Variants in TTN observed in about 807,000 individuals in gnomAD.
The protein encoded by TTN is connectin.
A neutral mutation model predicts 3,223.0 loss-of-function variants in TTN; 1,525 were observed. That is an observed-to-expected ratio of 0.47 (90% CI 0.45 to 0.49). The LOEUF (loss-of-function observed/expected upper bound fraction) is 0.49. Among genes scored for constraint, TTN ranks in the 20% least tolerant of loss-of-function variants. The pLI, the probability that TTN is intolerant of heterozygous loss-of-function variation, is 0.00. For synonymous variants in TTN, 14,094 were observed against 15,161.0 expected, an observed-to-expected ratio of 0.93 and a Z score of 5.17; for missense variants, 40,786 against 43,424.0, an observed-to-expected ratio of 0.94 and a Z score of 5.40.
In TTN at chr2:178,537,611, C is replaced by G. The variant is rs1185063715; in HGVS notation, c.99596G>C (p.Gly33199Ala). Residue 33199 changes from glycine to alanine, a missense_variant, in exon 355 of 363, where the codon GGT (glycine) becomes GCT (alanine). Physicochemically the swap from Gly to Ala is moderately conservative, Grantham distance 60 (BLOSUM62 0). Transcript: ENST00000589042. Reference protein sequence around the residue: ...LLQATPQFHPGYPLKEKYYGA... With the variant: ...LLQATPQFHPAYPLKEKYYGA... ...ATAATATTTCTCTTTCAGTGGGTAA[C>G]CAGGATGGAACTGCGGTGTTGCTTG... is the stretch of plus-strand genomic sequence containing the variant. 3 of 1,613,620 alleles carry G rather than the reference C, an allele frequency of 1.9e-6. No homozygotes were observed. Among genetic ancestry groups the G allele is most frequent in the East Asian group, 2.2e-5 (1 of 44,864 alleles).
Position 178,664,651 on chromosome 2 carries a change from T to C in TTN, c.36202+3A>G, listed in dbSNP as rs750462314. 2.1e-5 allele frequency: 34 copies of C among 1,612,210 alleles called. No individual in the cohort carries two copies. Among genetic ancestry groups the C allele is most frequent in the African/African-American group, 2.7e-5 (2 of 74,914 alleles). On this transcript the variant is annotated splice_donor_region_variant and intron_variant, in intron 167 of 362. Coordinates refer to ENST00000589042, the MANE Select transcript of TTN (RefSeq NM_001267550.2). ...ACCCCTCTAAGCTTCCAGCAAGATA[T>C]ACCTTCATCAGGAAGGACTTCAGGC...
rs1576340244 is a variant in TTN at position 178,605,589 on chromosome 2, C to A, written c.53706G>T (p.Arg17902=). 2 of 1,612,202 alleles carry A rather than the reference C, an allele frequency of 1.2e-6. No homozygotes were observed. The highest frequency in any genetic ancestry group is 8.5e-7 in the Non-Finnish European group (1 of 1,178,832). The change falls in exon 279 of 363, where the codon CGG becomes CGT. Residue 17902 remains arginine (R), a synonymous_variant. Transcript: ENST00000589042. The part of the protein sequence containing the change: ...SPIQGYIIEK[R]RHDKPDFERV... ...TTTCAAAGTCAGGTTTGTCATGACGCCGTTTTTCAATGATATATCCTTGGA... is the reference window on the plus strand; with the variant it reads ...TTTCAAAGTCAGGTTTGTCATGACGACGTTTTTCAATGATATATCCTTGGA...
At position 178,707,643 on chromosome 2, in the gene TTN, T is replaced by TGA. The variant is rs1560538534; in HGVS notation, c.28923_28924insTC (p.Gly9643ValfsTer36). 7 of 1,613,896 alleles carry TGA rather than the reference T, an allele frequency of 4.3e-6. No homozygotes were observed. Among genetic ancestry groups the TGA allele is most frequent in the Admixed American group, 1.7e-5 (1 of 59,982 alleles). ...CTGAGTTCCAGTACAGCTGTCCCAC[T>TGA]AGCAAAGCTGAAGCTGCATCTGTCT... is the stretch of plus-strand genomic sequence containing the variant. On this transcript the variant is annotated frameshift_variant, in exon 100 of 363. Transcript: ENST00000589042. LOFTEE classifies it high-confidence loss of function.
intron 205 of TTN, 65 bp downstream of exon 205, chr2:178,651,819 A>C (rs2063033101): frequency 1.2e-6 from 2 of 1,602,618 alleles, no homozygotes; most frequent in African/African-American, 2.7e-5. Context: ...CAGAGCACCC[A>C]GAATTATCAG....
chr2:178,721,985 T>C lies in TTN; in HGVS notation c.22678A>G (p.Asn7560Asp). ...KDNKEIRPGG[N>D]YTITCVGNTP... ...TTTCCCACACATGTGATTGTATAGT[T>C]TCCTCCAGGACGGATCTCCTTGTTA... The change falls in exon 78 of 363, where the codon AAC becomes GAC. Residue 7560 changes from asparagine (N) to aspartate (D), a missense_variant. Physicochemically the swap from Asn to Asp is conservative, Grantham distance 23. Transcript: ENST00000589042. 1 of 1,613,640 alleles carries C rather than the reference T, an allele frequency of 6.2e-7. No homozygotes were observed. The highest frequency in any genetic ancestry group is 8.5e-7 in the Non-Finnish European group (1 of 1,179,630).
intron 153 of TTN, 49 bp from the exon 154 acceptor site, chr2:178,672,530 A>C: frequency 6.2e-7 from 1 of 1,602,750 alleles, no homozygotes; most frequent in Non-Finnish European, 8.5e-7. Context: ...GCAAGCTTTC[A>C]TAGACAAAAA....
At position 178,731,888 on chromosome 2, in the gene TTN, T is replaced by G. The variant is rs1385425356; in HGVS notation, c.16987A>C (p.Thr5663Pro). The change falls in exon 58 of 363, where the codon ACT (threonine) becomes CCT (proline). Residue 5663 changes from threonine to proline, a missense_variant. Transcript: ENST00000589042. ...AACCAAGTGATCTCAAAGGGAGGAG[T>G]GCCTGCCACCTCAGCCAGCAACATG... The part of the protein sequence containing the change: ...DVMLLAEVAG[T>P]PPFEITWFKD... The G allele has an allele frequency of 6.2e-7, 1 of 1,613,616 alleles. No individual in the cohort carries two copies. Among genetic ancestry groups the G allele is most frequent in the Admixed American group, 1.7e-5 (1 of 59,986 alleles).
intron 33 of TTN, 127 bp from the exon 34 acceptor site, chr2:178,771,598 T>C (rs2154343470): frequency 7.3e-7 from 1 of 1,376,234 alleles, no homozygotes; most frequent in Middle Eastern, 2.2e-4. Context: ...ATGTCTATGA[T>C]TGTTTTTACC....
At chr2:178,748,270 T>C (rs766523489) in intron 47 of TTN, 4 of 1,613,042 alleles carry the variant, frequency 2.5e-6, no homozygotes, top group Non-Finnish European at 3.4e-6. Flanking sequence ...TGTCTAAGTT[T>C]TGTTCCTGTA....
In TTN at chr2:178,587,415, T is replaced by C. The variant is rs1453662624; in HGVS notation, c.63796A>G (p.Thr21266Ala). ...TTTAAATCAGACACAGGCCCAGGAG[T>C]GTCTGTAAAGAATCATAAAATCAGA... ...AVFVNVRVLD[T>A]PGPVSDLKVS... Residue 21266 changes from threonine (T) to alanine (A), a missense_variant and splice_region_variant, in exon 307 of 363, where the codon ACT becomes GCT. Physicochemically the swap from Thr to Ala is moderately conservative, Grantham distance 58 (BLOSUM62 0). Coordinates refer to ENST00000589042, the MANE Select transcript of TTN (RefSeq NM_001267550.2). 2 of 1,606,838 alleles carry C rather than the reference T, an allele frequency of 1.2e-6. No homozygotes were observed. Among genetic ancestry groups the C allele is most frequent in the African/African-American group, 1.3e-5 (1 of 74,622 alleles).
In TTN at chr2:178,547,665, C is replaced by A; in HGVS notation, c.93961G>T (p.Val31321Phe). 6.2e-7 allele frequency: 1 copy of A among 1,613,920 alleles called. No individual in the cohort carries two copies. The highest frequency in any genetic ancestry group is 8.5e-7 in the Non-Finnish European group (1 of 1,179,832). The part of the protein sequence containing the change: ...PVTGPIEVSS[V>F]SAESCVLSWG... The stretch of plus-strand genomic sequence containing the variant: ...GACAGGACACACGATTCAGCTGAGA[C>A]AGATGAGACCTCAATGGGGCCGGTT... Residue 31321 changes from valine to phenylalanine, a missense_variant, in exon 339 of 363, where the codon GTC becomes TTC. Coordinates refer to ENST00000589042, the MANE Select transcript of TTN (RefSeq NM_001267550.2).
At position 178,714,407 on chromosome 2, in the gene TTN, T is replaced by C; in HGVS notation, c.26367A>G (p.Glu8789=). The change falls in exon 91 of 363, where the codon GAA becomes GAG. Residue 8789 remains glutamate, a synonymous_variant. Coordinates refer to ENST00000589042, the MANE Select transcript of TTN (RefSeq NM_001267550.2). ...ESDNIWISYS[E]NIATLQFSRV... The stretch of plus-strand genomic sequence containing the variant: ...TTGAAAACTGTAAGGTTGCAATGTT[T>C]TCTGAATAAGAAATCCATATGTTGT... 6.2e-7 allele frequency: 1 copy of C among 1,613,818 alleles called. No homozygotes were observed. The highest frequency in any genetic ancestry group is 8.5e-7 in the Non-Finnish European group (1 of 1,179,770).
chr2:178,630,313 G>A lies in TTN; in HGVS notation c.44209C>T (p.Arg14737Cys), dbSNP rs748593243. 6.2e-6 allele frequency: 10 copies of A among 1,612,802 alleles called. No homozygotes were observed. Among genetic ancestry groups the A allele is most frequent in the Admixed American group, 3.3e-5 (2 of 59,934 alleles). The change falls in exon 239 of 363, where the codon CGC becomes TGC. Residue 14737 changes from arginine (R) to cysteine (C), a missense_variant. Arg to Cys is a radical substitution (Grantham distance 180). Transcript: ENST00000589042. Reference protein sequence around the residue: ...KIHSLVLHNCRLDQTGGVDFQ... With the variant: ...KIHSLVLHNCCLDQTGGVDFQ... The stretch of plus-strand genomic sequence containing the variant: ...TCCACCCCACCCGTCTGGTCCAGGC[G>A]ACAGTTGTGCAAAACAAGGGAGTGT...
rs1277287111 is a variant in TTN, at chr2:178,584,248, A to G, written c.65275+28T>C. On this transcript the variant is annotated intron_variant, in intron 311 of 362. Transcript: ENST00000589042. ...GTGCCTCCATAATACTAAAACAACAACAACAATAAAAAAACCCCAAAACTT... is the reference window on the plus strand; with the variant it reads ...GTGCCTCCATAATACTAAAACAACAGCAACAATAAAAAAACCCCAAAACTT... 6 of 1,528,142 alleles carry G rather than the reference A, an allele frequency of 3.9e-6. No homozygotes were observed. The African/African-American group carries it at 4.2e-5, about 11-fold the overall frequency. The allele number at this position is 1,528,142 out of a possible 1,614,324, so 94.7% of individuals were successfully genotyped here.
chr2:178,579,611 T>C lies in TTN; in HGVS notation c.67586A>G (p.Asn22529Ser). 3.7e-6 allele frequency: 6 copies of C among 1,613,388 alleles called. No homozygotes were observed. The highest frequency in any genetic ancestry group is 5.1e-6 in the Non-Finnish European group (6 of 1,179,514). The change falls in exon 319 of 363, where the codon AAT (asparagine) becomes AGT (serine). Residue 22529 changes from asparagine (N) to serine (S), a missense_variant. Physicochemically the swap from Asn to Ser is conservative, Grantham distance 46. Coordinates refer to ENST00000589042, the MANE Select transcript of TTN (RefSeq NM_001267550.2). ...YTFRVSAENE[N>S]GEGTPSEITV... Reference sequence around the variant, plus strand: ...GATTTCGCTTGGGGTTCCTTCTCCATTTTCATTCTCAGCACTCACTCTGAA... The same window carrying C: ...GATTTCGCTTGGGGTTCCTTCTCCACTTTCATTCTCAGCACTCACTCTGAA...
In TTN at chr2:178,569,768, C is replaced by T. The variant is rs1179441245; in HGVS notation, c.76364G>A (p.Cys25455Tyr). The T allele has an allele frequency of 2.5e-6, 4 of 1,613,042 alleles. No individual in the cohort carries two copies. The highest frequency in any genetic ancestry group is 3.4e-6 in the Non-Finnish European group (4 of 1,179,588). The change falls in exon 326 of 363, where the codon TGC becomes TAC. Residue 25455 changes from cysteine (C) to tyrosine (Y), a missense_variant. Coordinates refer to ENST00000589042, the MANE Select transcript of TTN (RefSeq NM_001267550.2). ...CDVSVGEWTMCTPPTGINKTN... is the reference protein window; with the variant it reads ...CDVSVGEWTMYTPPTGINKTN... The stretch of plus-strand genomic sequence containing the variant: ...TTTATTAATTCCTGTTGGTGGAGTG[C>T]ACATTGTCCATTCACCAACACTCAC...
chr2:178,705,785 AC>A (rs2075771110), intron 102 of TTN, among the ~76,000 whole-genome samples: 1 of 152,188 alleles, frequency 6.6e-6, no homozygotes, highest in African/African-American at 2.4e-5. Flanking sequence ...TGAAAAATGA[AC>A]CATATTGAAA....
In TTN at chr2:178,528,931, G is replaced by A. The variant is rs377337528; in HGVS notation, c.106820C>T (p.Ala35607Val). 1.7e-4 allele frequency: 273 copies of A among 1,613,838 alleles called. No homozygotes were observed. The highest frequency in any genetic ancestry group is 2.2e-4 in the Non-Finnish European group (262 of 1,179,880). The change falls in exon 360 of 363, where the codon GCT becomes GTT. Residue 35607 changes from alanine to valine, a missense_variant. Ala to Val is a moderately conservative substitution (Grantham distance 64). Transcript: ENST00000589042. ...CTGAGTAGAAAATGCTTTAATCTCA[G>A]CATGAGTTCTGACTTCTTCTGATGC... ...SQASEEVRTHAEIKAFSTQMS... is the reference protein window; with the variant it reads ...SQASEEVRTHVEIKAFSTQMS...
At chr2:178,667,777 G>A (rs2066233277) in intron 159 of TTN, 56 bp from the exon 160 acceptor site, 1 of 1,268,886 alleles carries the variant, frequency 7.9e-7, no homozygotes. Flanking sequence ...ATAAAGAAGT[G>A]TATTAAGAAA....
Sources: allele counts gnomAD v4.1 joint callset (sites outside exome capture counted in the v4.1 genomes callset), GRCh38; gene constraint gnomAD v4.1.1; transcripts MANE v1.5; gene names NCBI Gene and HGNC (gene_info 2026-07-23, HGNC 2026-07-21).